Variants in DNAJC5B observed in about 807,000 individuals in gnomAD.
The protein encoded by DNAJC5B is DnaJ heat shock protein family (Hsp40) member C5 beta.
A neutral mutation model predicts 24.7 loss-of-function variants in DNAJC5B; 23 were observed. That is an observed-to-expected ratio of 0.93 (90% CI 0.67 to 1.32). The LOEUF is 1.32. DNAJC5B is among the 40% of genes most tolerant of loss of function. The pLI is 0.00. For missense variants in DNAJC5B, 238 were observed against 240.8 expected, an observed-to-expected ratio of 0.99 and a Z score of 0.08; for synonymous variants, 101 against 90.1, an observed-to-expected ratio of 1.12 and a Z score of -0.68.
chr8:66,032,516 T>C (rs973660222), intron 1 of DNAJC5B, among the ~76,000 whole-genome samples: 2 of 152,204 alleles, frequency 1.3e-5, no homozygotes, highest in Non-Finnish European at 2.9e-5. Context: ...AGGGAGGCAG[T>C]GACAGTGCCC....
chr8:66,038,072 G>T (rs765602778), intron 1 of DNAJC5B, among the ~76,000 whole-genome samples: 1 of 152,178 alleles, frequency 6.6e-6, no homozygotes, highest in African/African-American at 2.4e-5. Flanking sequence ...CAATTCACTT[G>T]CTCCATTCAG....
At chr8:66,085,947 A>C (rs1306499307) in intron 5 of DNAJC5B, among the ~76,000 whole-genome samples, 3 of 152,120 alleles carry the variant, frequency 2.0e-5, no homozygotes, top group Non-Finnish European at 4.4e-5. Flanking sequence ...ATCTCTACTT[A>C]TCCACGTCTC....
chr8:66,097,281 T>C (rs1807974686), intron 5 of DNAJC5B, among the ~76,000 whole-genome samples: 1 of 151,850 alleles, frequency 6.6e-6, no homozygotes, highest in Non-Finnish European at 1.5e-5. Flanking sequence ...GGAAATTATA[T>C]TCTCTTTTCT....
intron 2 of DNAJC5B, among the ~76,000 whole-genome samples, chr8:66,050,093 A>G (rs1053405956): frequency 2.0e-5 from 3 of 152,150 alleles, no homozygotes; most frequent in African/African-American, 4.8e-5. Context: ...TATCACTATT[A>G]TTTTCCCAAA....
chr8:66,041,029 A>ACCG (rs10642965), intron 1 of DNAJC5B, among the ~76,000 whole-genome samples: 3 of 151,746 alleles, frequency 2.0e-5, no homozygotes, highest in African/African-American at 7.3e-5. Context: ...CATCTTAGAT[A>ACCG]GAGTGGTAGT....
At chr8:66,029,649 C>T (rs917708720) in intron 1 of DNAJC5B, among the ~76,000 whole-genome samples, 7 of 152,120 alleles carry the variant, frequency 4.6e-5, no homozygotes, top group African/African-American at 1.2e-4. Flanking sequence ...ATTCAAGAAA[C>T]AGAGGAAGAG....
At chr8:66,040,028 G>T (rs926795956) in intron 1 of DNAJC5B, among the ~76,000 whole-genome samples, 18 of 152,124 alleles carry the variant, frequency 1.2e-4, no homozygotes, top group Admixed American at 3.3e-4. Context: ...TTTCATAAAA[G>T]TTCTAAGAGA....
chr8:66,081,870 A>C (rs1807603501), intron 5 of DNAJC5B, among the ~76,000 whole-genome samples: 1 of 152,158 alleles, frequency 6.6e-6, no homozygotes. Flanking sequence ...ATGGTGAAAC[A>C]GAATTATAAC....
chr8:66,041,654 C>T (rs1042391579), intron 1 of DNAJC5B, among the ~76,000 whole-genome samples: 3 of 152,194 alleles, frequency 2.0e-5, no homozygotes, highest in African/African-American at 7.2e-5. Context: ...AAATGATCCA[C>T]TTGGCAATGC....
At chr8:66,053,295 G>C (rs566280145) in intron 3 of DNAJC5B, among the ~76,000 whole-genome samples, 41 of 152,240 alleles carry the variant, frequency 2.7e-4, no homozygotes, top group African/African-American at 9.4e-4. Context: ...GAAACAACCA[G>C]AAACTTTTGA....
chr8:66,015,554 TGAGAGA>T, the DNAJC5B span, among the ~76,000 whole-genome samples: 1 of 149,148 alleles, frequency 6.7e-6, no homozygotes, highest in Non-Finnish European at 1.5e-5. Flanking sequence ...GAGCGAGAAA[TGAGAGA>T]GAGAGAGAGA....
intron 3 of DNAJC5B, among the ~76,000 whole-genome samples, chr8:66,059,440 C>T (rs1807033974): frequency 6.6e-6 from 1 of 152,156 alleles, no homozygotes; most frequent in Non-Finnish European, 1.5e-5. Context: ...GATATCGCTC[C>T]AAGAGCCAAC....
intron 5 of DNAJC5B, among the ~76,000 whole-genome samples, chr8:66,098,626 T>G (rs1808006260): frequency 6.6e-6 from 1 of 152,144 alleles, no homozygotes; most frequent in African/African-American, 2.4e-5. Context: ...ATGTTAGATA[T>G]GTTAGACCTT....
chr8:66,023,574 C>A (rs560481578), intron 1 of DNAJC5B, among the ~76,000 whole-genome samples: 115 of 152,216 alleles, frequency 7.6e-4, no homozygotes, highest in African/African-American at 2.7e-3. Flanking sequence ...ATACGGTCTT[C>A]CTGTGGCCTT....
chr8:66,047,979 G>C (rs958881774), intron 2 of DNAJC5B, among the ~76,000 whole-genome samples: 1 of 152,166 alleles, frequency 6.6e-6, no homozygotes, highest in African/African-American at 2.4e-5. Flanking sequence ...AGTGCTCAGG[G>C]AGAGTTGCAG....
chr8:66,052,600 A>G (rs1324772184), intron 3 of DNAJC5B, among the ~76,000 whole-genome samples: 1 of 152,240 alleles, frequency 6.6e-6, no homozygotes, highest in Non-Finnish European at 1.5e-5. Context: ...AAGGCCTGTC[A>G]GTGACAGAAG....
chr8:66,020,747 C>T (rs1302245544), upstream of DNAJC5B, among the ~76,000 whole-genome samples: 3 of 152,032 alleles, frequency 2.0e-5, no homozygotes, highest in African/African-American at 7.2e-5. Flanking sequence ...AAGCGATCAT[C>T]CCCTGTCAGC....
rs140726438 is a variant in DNAJC5B, at chr8:66,036,493, C to T, written c.-141-6995C>T. ...GTTTCAGAAGAATGCACCAAGAGGG[C>T]GGCGTCCTCTCCAGACATGACCTGC... On this transcript the variant is annotated intron_variant, in intron 1 of 5. Transcript: ENST00000276570. Among the ~76,000 whole-genome samples, 135 of 152,262 alleles carry T rather than the reference C, an allele frequency of 8.9e-4. 1 individual carries two copies. The East Asian group carries it at 0.025, about 28-fold the overall frequency.
At chr8:66,072,441 T>C (rs1210730531) in intron 3 of DNAJC5B, among the ~76,000 whole-genome samples, 1 of 152,054 alleles carries the variant, frequency 6.6e-6, no homozygotes, top group African/African-American at 2.4e-5. Context: ...AAGTACCCAA[T>C]AAGAACAGAA....
Sources: gnomAD v4.1 joint callset for allele counts (sites outside exome capture counted in the v4.1 genomes callset) on GRCh38, gnomAD v4.1.1 for gene constraint, MANE v1.5 for transcripts, NCBI Gene and HGNC (gene_info 2026-07-23, HGNC 2026-07-21) for gene names.